The following CERS3 variants were observed in gnomAD, a reference collection of about 807,000 sequenced individuals.
CERS3 encodes LAG1 homolog, ceramide synthase 3.
Under a neutral mutation model 50.3 loss-of-function variants are expected in CERS3, and 33 were observed. The ratio of observed to expected loss-of-function variants is 0.66; its 90% CI spans 0.50 to 0.88. CERS3 has a LOEUF of 0.88. CERS3 is among the 40% of genes least tolerant of loss of function. The probability of loss-of-function intolerance (pLI) is 0.00; values close to 1 mark genes in which losing one functional copy is unlikely to be tolerated. For synonymous variants in CERS3, 176 were observed against 155.2 expected, an observed-to-expected ratio of 1.13 and a Z score of -0.99; for missense variants, 470 against 460.3, an observed-to-expected ratio of 1.02 and a Z score of -0.19.
intron 3 of CERS3, among the ~76,000 whole-genome samples, chr15:100,491,953 T>C (rs2035667086): frequency 6.6e-6 from 1 of 151,956 alleles, no homozygotes; most frequent in Non-Finnish European, 1.5e-5. Flanking sequence ...CTCCAACTCC[T>C]AGTCTTAAGT....
At chr15:100,450,807 G>T (rs963751615) in intron 11 of CERS3, among the ~76,000 whole-genome samples, 4 of 152,028 alleles carry the variant, frequency 2.6e-5, no homozygotes, top group Admixed American at 2.6e-4. Flanking sequence ...AACAGCAACA[G>T]AAATGTGTCT....
chr15:100,515,504 G>T (rs183433634), intron 2 of CERS3, among the ~76,000 whole-genome samples: 1 of 152,300 alleles, frequency 6.6e-6, no homozygotes, highest in East Asian at 1.9e-4. Flanking sequence ...GACAGAGATT[G>T]CCAAAGGCCC....
intron 11 of CERS3, among the ~76,000 whole-genome samples, chr15:100,448,216 A>G (rs563351323): frequency 6.6e-6 from 1 of 152,226 alleles, no homozygotes; most frequent in Admixed American, 6.5e-5. Context: ...AACTAGAGGC[A>G]TCGGGTACAT....
At position 100,401,011 on chromosome 15, in the gene CERS3, T is replaced by G. The variant is rs2030479878; in HGVS notation, c.*1702A>C. 6.6e-6 allele frequency: 1 copy of G among 152,104 alleles called. No homozygotes were observed. Among genetic ancestry groups the G allele is most frequent in the Non-Finnish European group, 1.5e-5 (1 of 68,014 alleles). 9.4% of individuals were successfully genotyped at this position (152,104 alleles called of 1,614,324 possible). On this transcript the variant is annotated 3_prime_UTR_variant, in exon 12 of 12. Transcript: ENST00000679737. ...TTGTTGTGGAAAGAATTCTAAAGGA[T>G]TTTTTGTTTATTTTTGTTTAGCCTT...
chr15:100,439,656 G>T lies in CERS3; in HGVS notation c.999+16237C>A, dbSNP rs8033834. 7.0e-3 allele frequency among the ~76,000 whole-genome samples: 1,072 copies of T among 152,300 alleles called. 13 individuals carry two copies. Among genetic ancestry groups the T allele is most frequent in the African/African-American group, 0.024 (1,010 of 41,570 alleles). ...CCCTCTAAGAATTTTAACTCCAGCCGCTAGCCCTCTCCTCCCCTTTGCAAT... is the reference window on the plus strand; with the variant it reads ...CCCTCTAAGAATTTTAACTCCAGCCTCTAGCCCTCTCCTCCCCTTTGCAAT... On this transcript the variant is annotated intron_variant, in intron 11 of 11. Coordinates refer to ENST00000679737, the MANE Select transcript of CERS3 (RefSeq NM_001378789.1).
rs1435432176 is a variant in CERS3 at position 100,524,091 on chromosome 15, A to G, written c.-91-2335T>C. Among the ~76,000 whole-genome samples the G allele has an allele frequency of 3.9e-5, 6 of 152,288 alleles. No homozygotes were observed. The East Asian group carries it at 1.2e-3, about 29-fold the overall frequency. On this transcript the variant is annotated intron_variant, in intron 1 of 11. Coordinates refer to ENST00000679737, the MANE Select transcript of CERS3 (RefSeq NM_001378789.1). Reference sequence around the variant, plus strand: ...GCATCTTAGTCCATTCCATTGGTCTATTGTTCCCTAGTTGATTTTAATTTT... The same window carrying G: ...GCATCTTAGTCCATTCCATTGGTCTGTTGTTCCCTAGTTGATTTTAATTTT...
intron 5 of CERS3, among the ~76,000 whole-genome samples, chr15:100,484,005 T>A (rs1388166152): frequency 6.6e-6 from 1 of 151,586 alleles, no homozygotes; most frequent in African/African-American, 2.4e-5. Context: ...CCTGACCACC[T>A]CTACTAAAAA....
chr15:100,428,567 A>G (rs2032954054), intron 11 of CERS3, among the ~76,000 whole-genome samples: 1 of 152,210 alleles, frequency 6.6e-6, no homozygotes, highest in African/African-American at 2.4e-5. Flanking sequence ...GGCACCTCCC[A>G]CTTGTGACAG....
chr15:100,435,855 CAACA>C (rs566935241), intron 11 of CERS3, among the ~76,000 whole-genome samples: 22 of 152,208 alleles, frequency 1.4e-4, no homozygotes, highest in African/African-American at 5.3e-4. Context: ...TCTGTGTGGC[CAACA>C]AACATTTGAA....
chr15:100,434,589 G>C (rs1327633283), intron 11 of CERS3, among the ~76,000 whole-genome samples: 2 of 152,200 alleles, frequency 1.3e-5, no homozygotes, highest in Admixed American at 6.5e-5. Context: ...GTAGGGGTGG[G>C]GAGATGGCCA....
Position 100,527,485 on chromosome 15 carries a change from G to A in CERS3, c.-92+1328C>T, listed in dbSNP as rs188684689. On this transcript the variant is annotated intron_variant, in intron 1 of 11. Coordinates refer to ENST00000679737, the MANE Select transcript of CERS3 (RefSeq NM_001378789.1). ...CCTTTTGTTATAAGACACCAAATTC[G>A]AGTATTTGAATATTATCATAGCTTC... is the stretch of plus-strand genomic sequence containing the variant. Among the ~76,000 whole-genome samples the A allele has an allele frequency of 7.2e-5, 11 of 152,272 alleles. No homozygotes were observed. In the East Asian group the frequency reaches 1.9e-3, roughly 27 times the overall value.
chr15:100,433,674 C>T (rs908773436), intron 11 of CERS3, among the ~76,000 whole-genome samples: 1 of 152,190 alleles, frequency 6.6e-6, no homozygotes, highest in African/African-American at 2.4e-5. Flanking sequence ...GTGTGGAAGC[C>T]CAGGGTATCC....
chr15:100,411,114 A>C (rs576970632), intron 11 of CERS3, among the ~76,000 whole-genome samples: 2 of 152,210 alleles, frequency 1.3e-5, no homozygotes, highest in South Asian at 2.1e-4. Context: ...TAATGTCCTC[A>C]AGTTTCATTC....
intron 1 of CERS3, among the ~76,000 whole-genome samples, chr15:100,538,572 T>A (rs1306464070): frequency 1.3e-5 from 2 of 152,358 alleles, no homozygotes; most frequent in South Asian, 4.1e-4. Context: ...CTGGGCTCTA[T>A]GTTGGTCCCT....
At chr15:100,476,247 A>C in intron 7 of CERS3, 69 bp from the exon 8 acceptor site, 2 of 922,970 alleles carry the variant, frequency 2.2e-6, no homozygotes, top group Non-Finnish European at 3.3e-6. Context: ...ATGCACTAAA[A>C]CCTCCTTTTA....
At chr15:100,465,383 A>C (rs913483525) in intron 10 of CERS3, among the ~76,000 whole-genome samples, 1 of 152,222 alleles carries the variant, frequency 6.6e-6, no homozygotes. Context: ...CCAAGCTAAC[A>C]ACAAGGAACT....
chr15:100,467,931 A>G (rs1204028703), intron 10 of CERS3, among the ~76,000 whole-genome samples: 1 of 149,830 alleles, frequency 6.7e-6, no homozygotes, highest in Admixed American at 6.7e-5. Flanking sequence ...TATGTTGCCC[A>G]GGCTGATCTA....
chr15:100,417,802 CA>C lies in CERS3; in HGVS notation c.1000-14938del, dbSNP rs943498436. On this transcript the variant is annotated intron_variant, in intron 11 of 11. Transcript: ENST00000679737. ...ACCCCTGGGCAGCCTAACTGAGAGGCACCCCCCAGCAAGGGCACACTGACAC... is the reference window on the plus strand; with the variant it reads ...ACCCCTGGGCAGCCTAACTGAGAGGCCCCCCCAGCAAGGGCACACTGACAC... 6.6e-5 allele frequency among the ~76,000 whole-genome samples: 10 copies of C among 151,902 alleles called. No individual in the cohort carries two copies. In the East Asian group the frequency reaches 1.9e-3, roughly 29 times the overall value.
At chr15:100,425,724 T>C (rs1291526676) in intron 11 of CERS3, among the ~76,000 whole-genome samples, 1 of 152,140 alleles carries the variant, frequency 6.6e-6, no homozygotes, top group Non-Finnish European at 1.5e-5. Context: ...ACTTTTGAGA[T>C]GGGATAATTG....
Sources: gnomAD v4.1 joint callset for allele counts (sites outside exome capture counted in the v4.1 genomes callset) on GRCh38, gnomAD v4.1.1 for gene constraint, MANE v1.5 for transcripts, NCBI Gene and HGNC (gene_info 2026-07-23, HGNC 2026-07-21) for gene names.